The following CTNNA3 variants were observed in gnomAD, a reference collection of about 807,000 sequenced individuals.
CTNNA3 encodes the protein catenin alpha-3.
A neutral mutation model predicts 95.7 loss-of-function variants in CTNNA3; 76 were observed. The ratio of observed to expected loss-of-function variants is 0.79; its 90% CI spans 0.66 to 0.96. CTNNA3 has a LOEUF of 0.96. Among genes scored for constraint, CTNNA3 ranks in the 40% least tolerant of loss-of-function variants. CTNNA3 has a pLI of 0.00. For synonymous variants in CTNNA3, 431 were observed against 374.4 expected, an observed-to-expected ratio of 1.15 and a Z score of -1.74; for missense variants, 1,191 against 1,089.8, an observed-to-expected ratio of 1.09 and a Z score of -1.31.
intron 11 of CTNNA3, among the ~76,000 whole-genome samples, chr10:66,447,578 C>T (rs535899674): frequency 6.6e-6 from 1 of 151,962 alleles, no homozygotes. Context: ...ATGGGGAAAG[C>T]ATTCCCTATT....
chr10:67,093,652 C>T (rs951442749), intron 7 of CTNNA3, among the ~76,000 whole-genome samples: 3 of 151,646 alleles, frequency 2.0e-5, no homozygotes, highest in African/African-American at 7.3e-5. Flanking sequence ...GACATACCCT[C>T]CCAACAAAAC....
intron 7 of CTNNA3, among the ~76,000 whole-genome samples, chr10:66,847,995 C>G (rs879345309): frequency 1.3e-5 from 2 of 151,980 alleles, no homozygotes; most frequent in African/African-American, 2.4e-5. Context: ...GCAACACAAG[C>G]TGAGATTAGG....
chr10:66,182,894 T>C (rs1192721625), intron 13 of CTNNA3, among the ~76,000 whole-genome samples: 1 of 152,148 alleles, frequency 6.6e-6, no homozygotes, highest in East Asian at 1.9e-4. Flanking sequence ...GTCAAAATCG[T>C]GAAGGTGAAC....
intron 15 of CTNNA3, among the ~76,000 whole-genome samples, chr10:65,998,462 T>C (rs1007823385): frequency 7.2e-5 from 11 of 152,192 alleles, no homozygotes; most frequent in Non-Finnish European, 7.3e-5. Flanking sequence ...ATTTCCTAAC[T>C]CTCTACTGAG....
chr10:66,515,083 G>A (rs1840791524), intron 11 of CTNNA3, among the ~76,000 whole-genome samples: 1 of 152,012 alleles, frequency 6.6e-6, no homozygotes, highest in African/African-American at 2.4e-5. Context: ...TTTACCACAT[G>A]TGATCTTCCT....
intron 4 of CTNNA3, among the ~76,000 whole-genome samples, chr10:67,527,429 G>C (rs1205491797): frequency 6.6e-6 from 1 of 152,138 alleles, no homozygotes. Flanking sequence ...AATCTTGTTT[G>C]TGTCCTAATT....
chr10:66,665,188 T>G (rs2132454254), intron 9 of CTNNA3, among the ~76,000 whole-genome samples: 1 of 143,004 alleles, frequency 7.0e-6, no homozygotes, highest in South Asian at 2.3e-4. Context: ...TCATATAAAT[T>G]TTCTGCCTTT....
intron 12 of CTNNA3, among the ~76,000 whole-genome samples, chr10:66,356,831 T>C (rs1268058698): frequency 6.6e-6 from 1 of 152,086 alleles, no homozygotes; most frequent in Non-Finnish European, 1.5e-5. Context: ...AATTGGAAGT[T>C]CGTTGAATGC....
chr10:66,378,722 G>A (rs1184412323), intron 12 of CTNNA3, among the ~76,000 whole-genome samples: 1 of 152,170 alleles, frequency 6.6e-6, no homozygotes, highest in Non-Finnish European at 1.5e-5. Context: ...GACTGCAGAT[G>A]AAGGTAAGAG....
chr10:66,851,995 T>C (rs552450173), intron 7 of CTNNA3, among the ~76,000 whole-genome samples: 1 of 152,112 alleles, frequency 6.6e-6, no homozygotes, highest in South Asian at 2.1e-4. Flanking sequence ...GGATGAAGTA[T>C]GGCTTGACAA....
chr10:67,557,222 G>A (rs1841291198), intron 3 of CTNNA3, among the ~76,000 whole-genome samples: 1 of 152,156 alleles, frequency 6.6e-6, no homozygotes, highest in South Asian at 2.1e-4. Context: ...ATCAAAAAGG[G>A]ACTGTGTCAA....
Position 67,519,686 on chromosome 10 carries a change from C to G in CTNNA3, c.579+2156G>C, listed in dbSNP as rs967796744. Among the ~76,000 whole-genome samples, 3 of 152,214 alleles carry G rather than the reference C, an allele frequency of 2.0e-5. No individual in the cohort carries two copies. The South Asian group carries it at 6.2e-4, about 32-fold the overall frequency. ...CAGACGAGGCCCTGTCCTTTTGGAG[C>G]TTATGTTCTGTCCCAGTGCGGAATG... On this transcript the variant is annotated intron_variant, in intron 5 of 17. Transcript: ENST00000433211.
chr10:66,482,423 A>G (rs1383618673), intron 11 of CTNNA3, among the ~76,000 whole-genome samples: 1 of 152,140 alleles, frequency 6.6e-6, no homozygotes, highest in East Asian at 1.9e-4. Context: ...TCATGACACT[A>G]TCCCTCCACA....
At chr10:67,404,829 A>G (rs1287434512) in intron 5 of CTNNA3, among the ~76,000 whole-genome samples, 1 of 152,228 alleles carries the variant, frequency 6.6e-6, no homozygotes, top group Non-Finnish European at 1.5e-5. Flanking sequence ...GAGGCCACCT[A>G]CAAAGGGAAG....
At chr10:65,965,703 C>T (rs890840752) in intron 17 of CTNNA3, among the ~76,000 whole-genome samples, 17 of 152,044 alleles carry the variant, frequency 1.1e-4, no homozygotes. Context: ...CTCCTGCCCA[C>T]TACTTTTGAT....
intron 13 of CTNNA3, among the ~76,000 whole-genome samples, chr10:66,269,447 T>G (rs1190132738): frequency 6.6e-6 from 1 of 152,200 alleles, no homozygotes; most frequent in African/African-American, 2.4e-5. Flanking sequence ...TTTATTTTAA[T>G]TTTATATTTT....
At chr10:67,561,731 T>G (rs1047846691) in intron 3 of CTNNA3, among the ~76,000 whole-genome samples, 1 of 152,008 alleles carries the variant, frequency 6.6e-6, no homozygotes, top group Non-Finnish European at 1.5e-5. Context: ...ACAAAATTGA[T>G]AGACTGCTAG....
At chr10:66,008,441 C>T (rs1039752772) in intron 15 of CTNNA3, among the ~76,000 whole-genome samples, 10 of 152,320 alleles carry the variant, frequency 6.6e-5, no homozygotes, top group African/African-American at 2.4e-4. Flanking sequence ...AATATGTTTA[C>T]GCCAGGAGCT....
intron 1 of CTNNA3, among the ~76,000 whole-genome samples, chr10:67,733,849 G>A (rs1841289157): frequency 6.6e-6 from 1 of 152,108 alleles, no homozygotes; most frequent in East Asian, 1.9e-4. Flanking sequence ...TTTGGCTGTG[G>A]CTTTAAGAGA....
Sources: allele counts gnomAD v4.1 joint callset (sites outside exome capture counted in the v4.1 genomes callset), GRCh38; gene constraint gnomAD v4.1.1; transcripts MANE v1.5; gene names NCBI Gene and HGNC (gene_info 2026-07-23, HGNC 2026-07-21).